Variants in CSMD1 observed in about 807,000 individuals in gnomAD.
CSMD1 encodes the protein CUB and sushi domain-containing protein 1.
In CSMD1, 213 loss-of-function variants were observed where a neutral mutation model predicts 417.5. The observed-to-expected ratio is 0.51, with a 90% CI of 0.46 to 0.57. The LOEUF (loss-of-function observed/expected upper bound fraction) is 0.57, where lower values mean the gene tolerates loss of function less well. Among genes scored for constraint, CSMD1 ranks in the 20% least tolerant of loss-of-function variants. CSMD1 has a pLI of 0.00. For synonymous variants in CSMD1, 2,862 were observed against 1,736.8 expected (o/e 1.65, Z -16.11); for missense variants, 6,923 against 4,529.7 (o/e 1.53, Z -15.17).
At chr8:3,971,029 G>A (rs1315826964) in intron 5 of CSMD1, among the ~76,000 whole-genome samples, 2 of 152,288 alleles carry the variant, frequency 1.3e-5, no homozygotes, top group South Asian at 2.1e-4. Context: ...GGGATTTTAG[G>A]CATGAGTCAC....
At chr8:3,599,756 C>A (rs1801272685) in intron 8 of CSMD1, among the ~76,000 whole-genome samples, 1 of 152,196 alleles carries the variant, frequency 6.6e-6, no homozygotes, top group South Asian at 2.1e-4. Context: ...TCTTCTTTCA[C>A]CAGGTGGTCC....
chr8:4,075,530 G>A, intron 3 of CSMD1, among the ~76,000 whole-genome samples: 1 of 152,154 alleles, frequency 6.6e-6, no homozygotes, highest in Non-Finnish European at 1.5e-5. Context: ...AAAAATGTCA[G>A]ATATCCCCTT....
intron 6 of CSMD1, among the ~76,000 whole-genome samples, chr8:3,719,961 C>T (rs139932839): frequency 6.6e-6 from 1 of 152,298 alleles, no homozygotes; most frequent in Middle Eastern, 3.4e-3. Flanking sequence ...AAGATGATCA[C>T]CACCTGACCC....
At chr8:3,745,926 C>T (rs1269579732) in intron 6 of CSMD1, among the ~76,000 whole-genome samples, 1 of 152,188 alleles carries the variant, frequency 6.6e-6, no homozygotes, top group Non-Finnish European at 1.5e-5. Flanking sequence ...GTCACAGCAG[C>T]AGGCCGGGGG....
At chr8:3,018,249 A>G (rs571117104) in intron 52 of CSMD1, among the ~76,000 whole-genome samples, 156 of 152,360 alleles carry the variant, frequency 1.0e-3, no homozygotes, top group African/African-American at 3.5e-3. Context: ...GCACTCTTGC[A>G]AGATTGCCTT....
At chr8:3,202,103 G>C (rs1428517600) in intron 31 of CSMD1, among the ~76,000 whole-genome samples, 1 of 152,242 alleles carries the variant, frequency 6.6e-6, no homozygotes, top group African/African-American at 2.4e-5. Context: ...GGAAGGCGAA[G>C]GTTGCAATGA....
At chr8:4,475,930 T>A (rs901379811) in intron 2 of CSMD1, among the ~76,000 whole-genome samples, 3 of 152,162 alleles carry the variant, frequency 2.0e-5, no homozygotes, top group Non-Finnish European at 4.4e-5. Flanking sequence ...TATACTTTGT[T>A]GGTGTTATTG....
At chr8:3,980,273 A>G (rs1293312727) in intron 5 of CSMD1, among the ~76,000 whole-genome samples, 1 of 152,222 alleles carries the variant, frequency 6.6e-6, no homozygotes, top group Non-Finnish European at 1.5e-5. Flanking sequence ...CTGAACTAGC[A>G]TTGTATCCGA....
rs556229947 is a variant in CSMD1 at position 4,169,477 on chromosome 8, A to T, written c.416-137378T>A. On this transcript the variant is annotated intron_variant, in intron 3 of 69. Coordinates refer to ENST00000635120, the MANE Select transcript of CSMD1 (RefSeq NM_033225.6). Reference sequence around the variant, plus strand: ...TTCAACATATCCCAAATCTGACTCAATTCTGACCACCTCTACTGCGGCCTT... The same window carrying T: ...TTCAACATATCCCAAATCTGACTCATTTCTGACCACCTCTACTGCGGCCTT... Among the ~76,000 whole-genome samples, 9 of 152,232 alleles carry T rather than the reference A, an allele frequency of 5.9e-5. No homozygotes were observed. The East Asian group carries it at 1.7e-3, about 29-fold the overall frequency.
At chr8:3,529,961 C>A (rs930604599) in intron 10 of CSMD1, among the ~76,000 whole-genome samples, 3 of 152,078 alleles carry the variant, frequency 2.0e-5, no homozygotes, top group African/African-American at 7.2e-5. Context: ...AATTTGCCCA[C>A]GAAATGATGT....
chr8:3,521,833 A>T (rs1017568455), intron 10 of CSMD1, among the ~76,000 whole-genome samples: 6 of 152,250 alleles, frequency 3.9e-5, no homozygotes, highest in Non-Finnish European at 7.3e-5. Context: ...GCTTTAAGAA[A>T]TGTATATTAT....
chr8:3,139,452 T>G lies in CSMD1; in HGVS notation c.6241+3013A>C, dbSNP rs539267236. Among the ~76,000 whole-genome samples the G allele has an allele frequency of 2.6e-5, 4 of 152,278 alleles. 1 individual carries two copies. Among genetic ancestry groups the G allele is most frequent in the African/African-American group, 9.6e-5 (4 of 41,548 alleles). On this transcript the variant is annotated intron_variant, in intron 41 of 69. Transcript: ENST00000635120. ...CAAGAGAAATGGTAGCCATGCTGGA[T>G]GTCACCAGGAGACATGAGAAAGGAA... is the stretch of plus-strand genomic sequence containing the variant.
chr8:3,897,282 A>C (rs1376339815), intron 5 of CSMD1, among the ~76,000 whole-genome samples: 2 of 152,232 alleles, frequency 1.3e-5, no homozygotes, highest in Admixed American at 6.5e-5. Flanking sequence ...AATTTTAATT[A>C]TCTACACTTA....
chr8:4,190,310 A>G (rs1293486603), intron 3 of CSMD1, among the ~76,000 whole-genome samples: 4 of 151,298 alleles, frequency 2.6e-5, no homozygotes, highest in African/African-American at 7.3e-5. Context: ...TTTTACTTAC[A>G]TCTAAGCCCT....
At chr8:4,405,127 G>A (rs895169416) in intron 3 of CSMD1, among the ~76,000 whole-genome samples, 2 of 152,182 alleles carry the variant, frequency 1.3e-5, no homozygotes, top group Non-Finnish European at 2.9e-5. Context: ...CTTAGCATTG[G>A]TTATTTCACA....
At chr8:4,395,996 G>A (rs113117316) in intron 3 of CSMD1, among the ~76,000 whole-genome samples, 1 of 152,084 alleles carries the variant, frequency 6.6e-6, no homozygotes, top group Non-Finnish European at 1.5e-5. Context: ...TTTTAAAAAT[G>A]GAATGTTTTA....
At chr8:4,693,097 A>G (rs1056916916) in intron 1 of CSMD1, among the ~76,000 whole-genome samples, 4 of 152,162 alleles carry the variant, frequency 2.6e-5, no homozygotes, top group African/African-American at 9.7e-5. Context: ...ATCCTCTCGG[A>G]AGTTCCCAGG....
chr8:3,027,085 C>G (rs1809985252), intron 51 of CSMD1, among the ~76,000 whole-genome samples: 1 of 152,074 alleles, frequency 6.6e-6, no homozygotes, highest in East Asian at 1.9e-4. Flanking sequence ...AAAAGATTGA[C>G]AAGCCCTGTA....
chr8:3,602,618 G>T (rs536184197), intron 8 of CSMD1, among the ~76,000 whole-genome samples: 1 of 151,944 alleles, frequency 6.6e-6, no homozygotes, highest in Admixed American at 6.6e-5. Flanking sequence ...AGTAGAATAT[G>T]GCAAACACAT....
Sources: gnomAD v4.1 joint callset for allele counts (sites outside exome capture counted in the v4.1 genomes callset) on GRCh38, gnomAD v4.1.1 for gene constraint, MANE v1.5 for transcripts, NCBI Gene and HGNC (gene_info 2026-07-23, HGNC 2026-07-21) for gene names.